LRRC37A2: variants seen among roughly 807,000 people sequenced by gnomAD.
LRRC37A2 encodes leucine-rich repeat-containing protein 37A2.
Under a neutral mutation model 68.8 loss-of-function variants are expected in LRRC37A2, and 9 were observed. The ratio of observed to expected loss-of-function variants is 0.13; its 90% CI spans 0.08 to 0.23. The LOEUF is 0.23. Among genes scored for constraint, LRRC37A2 ranks in the 10% least tolerant of loss-of-function variants. The pLI, the probability that LRRC37A2 is intolerant of heterozygous loss-of-function variation, is 1.00. For missense variants in LRRC37A2, 168 were observed against 950.4 expected (o/e 0.18, Z 10.82); for synonymous variants, 63 against 367.6 (o/e 0.17, Z 9.48).
the LRRC37A2 span, among the ~76,000 whole-genome samples, chr17:46,488,699 T>C: frequency 7.0e-6 from 1 of 143,212 alleles, no homozygotes; most frequent in African/African-American, 2.7e-5. Flanking sequence ...AACGAGACTC[T>C]GTCTCAAAAA....
the LRRC37A2 span, among the ~76,000 whole-genome samples, chr17:46,818,942 G>A: frequency 1.2e-4 from 19 of 152,324 alleles, no homozygotes; most frequent in African/African-American, 4.6e-4. Flanking sequence ...CGGGGCTTCG[G>A]GGGGACGCGG....
chr17:47,012,905 C>A, the LRRC37A2 span, among the ~76,000 whole-genome samples: 4 of 152,178 alleles, frequency 2.6e-5, no homozygotes, highest in Admixed American at 2.0e-4. Context: ...AAAACTTATA[C>A]GTGAATGTCC....
the LRRC37A2 span, among the ~76,000 whole-genome samples, chr17:46,697,181 T>C: frequency 6.8e-6 from 1 of 146,900 alleles, no homozygotes; most frequent in Non-Finnish European, 1.5e-5. Context: ...ATCTAAATAA[T>C]GAGCACATGG....
chr17:46,804,991 T>C, the LRRC37A2 span, among the ~76,000 whole-genome samples: 4 of 147,654 alleles, frequency 2.7e-5, no homozygotes, highest in Admixed American at 6.8e-5. Flanking sequence ...CTTTGTTCTT[T>C]TGCTCTTCAG....
chr17:46,910,462 G>C, the LRRC37A2 span, among the ~76,000 whole-genome samples: 1 of 152,178 alleles, frequency 6.6e-6, no homozygotes, highest in South Asian at 2.1e-4. Flanking sequence ...GGTGGGGTAA[G>C]GCATCCTCAC....
the LRRC37A2 span, among the ~76,000 whole-genome samples, chr17:46,934,555 C>CT: frequency 1.3e-5 from 2 of 152,148 alleles, no homozygotes; most frequent in African/African-American, 4.8e-5. Flanking sequence ...ACAGCCTCCT[C>CT]TATCCTTAGT....
chr17:46,949,626 G>A, the LRRC37A2 span, among the ~76,000 whole-genome samples: 1 of 152,180 alleles, frequency 6.6e-6, no homozygotes, highest in South Asian at 2.1e-4. Context: ...AGACATACAT[G>A]AGCATGCAGC....
At chr17:46,850,792 A>G in the LRRC37A2 span, among the ~76,000 whole-genome samples, 1 of 151,708 alleles carries the variant, frequency 6.6e-6, no homozygotes, top group African/African-American at 2.4e-5. Flanking sequence ...TTCCCACCCT[A>G]TCTACCAGAG....
chr17:46,706,967 C>T, the LRRC37A2 span, among the ~76,000 whole-genome samples: 3 of 147,536 alleles, frequency 2.0e-5, no homozygotes, highest in South Asian at 4.5e-4. Context: ...TATCCTGCCT[C>T]AGCCTCCCGA....
the LRRC37A2 span, chr17:46,923,761 A>T: frequency 2.4e-6 from 1 of 419,592 alleles, no homozygotes; most frequent in Non-Finnish European, 4.1e-6. Flanking sequence ...GTTACAGGTT[A>T]TCGCTAAGAA....
the LRRC37A2 span, among the ~76,000 whole-genome samples, chr17:47,026,429 G>A: frequency 6.6e-6 from 1 of 152,190 alleles, no homozygotes; most frequent in African/African-American, 2.4e-5. Flanking sequence ...GAGAGGGCAC[G>A]TTAGAACTCA....
At chr17:46,390,243 A>G in the LRRC37A2 span, among the ~76,000 whole-genome samples, 11 of 93,006 alleles carry the variant, frequency 1.2e-4, 1 homozygote, top group African/African-American at 3.2e-5. Flanking sequence ...TTTAGCCTCA[A>G]TTATCTCCCA....
At chr17:46,770,100 T>C in the LRRC37A2 span, 3 of 1,492,942 alleles carry the variant, frequency 2.0e-6, no homozygotes, top group Non-Finnish European at 2.7e-6. Flanking sequence ...TGGGAGCGCC[T>C]GCCCTGCCTC....
At chr17:46,991,787 T>A in the LRRC37A2 span, among the ~76,000 whole-genome samples, 2 of 152,256 alleles carry the variant, frequency 1.3e-5, no homozygotes. Context: ...GGCCACCACC[T>A]GTTTTTCTAA....
chr17:46,866,529 C>T, the LRRC37A2 span, among the ~76,000 whole-genome samples: 7 of 151,928 alleles, frequency 4.6e-5, no homozygotes, highest in South Asian at 1.2e-3. Context: ...TAGACTGAGA[C>T]GTTTGAGATG....
the LRRC37A2 span, among the ~76,000 whole-genome samples, chr17:46,853,861 G>T: frequency 6.6e-6 from 1 of 152,154 alleles, no homozygotes; most frequent in African/African-American, 2.4e-5. Flanking sequence ...TGAGAGGAGA[G>T]GGGTTCCAGG....
In LRRC37A2 at chr17:46,532,749, T is replaced by A. The variant is rs1408389152; in HGVS notation, c.2907-7427T>A. 2.7e-4 allele frequency among the ~76,000 whole-genome samples: 39 copies of A among 146,852 alleles called. 1 individual carries two copies. Among genetic ancestry groups the A allele is most frequent in the African/African-American group, 6.7e-4 (25 of 37,544 alleles). Reference sequence around the variant, plus strand: ...TCCTTTTTATTCATATTATAATCCTTTTTATGTCTCTAAGAACAATAGTAA... The same window carrying A: ...TCCTTTTTATTCATATTATAATCCTATTTATGTCTCTAAGAACAATAGTAA... On this transcript the variant is annotated intron_variant, in intron 6 of 14. Coordinates refer to ENST00000576629, the Ensembl canonical transcript of LRRC37A2.
At chr17:46,976,663 C>T in the LRRC37A2 span, among the ~76,000 whole-genome samples, 1 of 152,126 alleles carries the variant, frequency 6.6e-6, no homozygotes, top group African/African-American at 2.4e-5. Context: ...GCAGTGTTCG[C>T]CCTAACTTGG....
the LRRC37A2 span, among the ~76,000 whole-genome samples, chr17:46,904,765 C>T: frequency 6.6e-6 from 1 of 152,172 alleles, no homozygotes; most frequent in African/African-American, 2.4e-5. Context: ...TTGCATGAAG[C>T]CTTCACATGA....
Sources: gnomAD v4.1 joint callset for allele counts (sites outside exome capture counted in the v4.1 genomes callset) on GRCh38, gnomAD v4.1.1 for gene constraint, MANE v1.5 for transcripts, NCBI Gene and HGNC (gene_info 2026-07-23, HGNC 2026-07-21) for gene names.